The following MTREX variants were observed in gnomAD, a reference collection of about 807,000 sequenced individuals.
MTREX encodes the protein exosome RNA helicase MTR4.
MTREX carries 76 observed loss-of-function variants against 135.4 expected under a neutral mutation model. The observed-to-expected ratio is 0.56, with a 90% CI of 0.47 to 0.68. MTREX has a LOEUF of 0.68. Among genes scored for constraint, MTREX ranks in the 30% least tolerant of loss-of-function variants. The probability of loss-of-function intolerance (pLI) is 0.00; values close to 1 mark genes in which losing one functional copy is unlikely to be tolerated. For missense variants in MTREX, 920 were observed against 1,262.1 expected (o/e 0.73, Z 4.11); for synonymous variants, 404 against 401.6 (o/e 1.01, Z -0.07).
chr5:55,413,335 CA>C (rs34179127), intron 23 of MTREX, among the ~76,000 whole-genome samples: 1,289 of 84,428 alleles, frequency 0.015, 12 homozygotes, highest in African/African-American at 0.035. Flanking sequence ...GACTCTGTCT[CA>C]AAAAAAAAAA....
intron 5 of MTREX, among the ~76,000 whole-genome samples, chr5:55,331,375 A>G (rs751909833): frequency 9.2e-5 from 14 of 152,142 alleles, no homozygotes; most frequent in Non-Finnish European, 1.6e-4. Context: ...TTTGAGGCTT[A>G]CTTTTATGAC....
chr5:55,418,519 A>G (rs1050284333), intron 25 of MTREX, among the ~76,000 whole-genome samples: 1 of 150,186 alleles, frequency 6.7e-6, no homozygotes, highest in African/African-American at 2.5e-5. Context: ...TCAGTTACTC[A>G]GGGGCTATTT....
At chr5:55,410,101 G>A (rs1285821350) in intron 22 of MTREX, among the ~76,000 whole-genome samples, 1 of 152,022 alleles carries the variant, frequency 6.6e-6, no homozygotes, top group Non-Finnish European at 1.5e-5. Flanking sequence ...AAAAAATGTG[G>A]TTCTTCTTAT....
chr5:55,397,540 T>TATGAAATTAACA lies in MTREX; in HGVS notation c.2292+14_2292+15insATGAAATTAACA. The TATGAAATTAACA allele has an allele frequency of 6.6e-7, 1 of 1,513,444 alleles. No homozygotes were observed. 93.8% of individuals were successfully genotyped at this position (1,513,444 alleles called of 1,614,324 possible). A position where few individuals can be genotyped will look rare whatever the true frequency, so the allele number is the denominator to read the frequency against. ...AAATCAATACAGGTATGTGTTAATT[T>TATGAAATTAACA]CATAAGTTAAGTATAAATTTTATGT... On this transcript the variant is annotated intron_variant, in intron 20 of 26. Coordinates refer to ENST00000230640, the MANE Select transcript of MTREX (RefSeq NM_015360.5).
At chr5:55,389,677 A>G (rs1414687466) in intron 19 of MTREX, among the ~76,000 whole-genome samples, 1 of 152,186 alleles carries the variant, frequency 6.6e-6, no homozygotes, top group Non-Finnish European at 1.5e-5. Context: ...GACAAGAATT[A>G]TATTCCTAGC....
At chr5:55,326,672 T>C (rs909215548) in intron 3 of MTREX, among the ~76,000 whole-genome samples, 8 of 152,282 alleles carry the variant, frequency 5.3e-5, no homozygotes, top group Non-Finnish European at 7.4e-5. Flanking sequence ...TTGTGTCTTA[T>C]CCTATCTCCA....
intron 25 of MTREX, among the ~76,000 whole-genome samples, chr5:55,421,639 ATAATAT>A (rs1294656699): frequency 1.3e-5 from 2 of 152,216 alleles, no homozygotes; most frequent in Admixed American, 6.5e-5. Context: ...TTGTGAAATA[ATAATAT>A]CACATTGTGT....
intron 23 of MTREX, 48 bp downstream of exon 23, chr5:55,410,677 G>A (rs140028955): frequency 1.8e-6 from 2 of 1,083,112 alleles, no homozygotes; most frequent in East Asian, 2.4e-5. Flanking sequence ...CACACATCAT[G>A]TAGTTAATAG....
At chr5:55,339,119 G>A (rs536366514) in intron 5 of MTREX, among the ~76,000 whole-genome samples, 43 of 152,112 alleles carry the variant, frequency 2.8e-4, no homozygotes, top group African/African-American at 9.9e-4. Context: ...ATTTGATTAT[G>A]TTGTTAATAG....
intron 12 of MTREX, among the ~76,000 whole-genome samples, chr5:55,350,235 G>A (rs979659652): frequency 1.3e-5 from 2 of 152,160 alleles, no homozygotes; most frequent in African/African-American, 4.8e-5. Flanking sequence ...TGAAAGTTTT[G>A]TTGAGTGGAA....
chr5:55,359,101 A>T (rs1749967659), intron 15 of MTREX, among the ~76,000 whole-genome samples: 1 of 152,244 alleles, frequency 6.6e-6, no homozygotes, highest in South Asian at 2.1e-4. Context: ...AAGCGCAGAT[A>T]GCTTAATAGG....
intron 16 of MTREX, among the ~76,000 whole-genome samples, chr5:55,367,870 C>T (rs889813927): frequency 6.6e-6 from 1 of 152,066 alleles, no homozygotes; most frequent in African/African-American, 2.4e-5. Flanking sequence ...GCGTAGTCAT[C>T]GTAAAAAGGA....
intron 15 of MTREX, among the ~76,000 whole-genome samples, chr5:55,363,636 C>T (rs1002496373): frequency 2.6e-5 from 4 of 152,160 alleles, no homozygotes; most frequent in African/African-American, 9.6e-5. Flanking sequence ...TTAAAGAGTT[C>T]TTATATTTTT....
chr5:55,378,210 C>A, intron 16 of MTREX, 104 bp from the exon 17 acceptor site: 2 of 1,313,192 alleles, frequency 1.5e-6, no homozygotes, highest in East Asian at 2.9e-5. Flanking sequence ...AAACAAAAAC[C>A]GCAACTACAC....
chr5:55,323,107 A>G (rs1749315211), intron 2 of MTREX, among the ~76,000 whole-genome samples: 1 of 152,114 alleles, frequency 6.6e-6, no homozygotes, highest in Non-Finnish European at 1.5e-5. Flanking sequence ...AAACCAGTTA[A>G]CTTTTGTTAC....
At chr5:55,322,210 A>G (rs971478273) in intron 1 of MTREX, 117 bp from the exon 2 acceptor site, 1 of 793,112 alleles carries the variant, frequency 1.3e-6, no homozygotes, top group Non-Finnish European at 1.8e-6. Context: ...GTTGTTTGTA[A>G]CATTCATCTA....
chr5:55,359,889 A>G (rs886206924), intron 15 of MTREX, among the ~76,000 whole-genome samples: 1 of 152,162 alleles, frequency 6.6e-6, no homozygotes, highest in Non-Finnish European at 1.5e-5. Context: ...TTGTAAGTGT[A>G]AAGTTCTATC....
intron 2 of MTREX, 142 bp downstream of exon 2, chr5:55,322,606 T>C (rs2112031822): frequency 3.4e-6 from 2 of 586,120 alleles, no homozygotes; most frequent in Non-Finnish European, 5.6e-6. Context: ...TACACAGGCA[T>C]GTAAATGTAG....
intron 5 of MTREX, among the ~76,000 whole-genome samples, chr5:55,339,751 A>C (rs1328045232): frequency 1.3e-5 from 2 of 152,238 alleles, no homozygotes; most frequent in African/African-American, 4.8e-5. Flanking sequence ...CTTGCAAGAA[A>C]TAGGTAACTG....
Sources: allele counts gnomAD v4.1 joint callset (sites outside exome capture counted in the v4.1 genomes callset), GRCh38; gene constraint gnomAD v4.1.1; transcripts MANE v1.5; gene names NCBI Gene and HGNC (gene_info 2026-07-23, HGNC 2026-07-21).